The following ANPEP variants were observed in gnomAD, a reference collection of about 807,000 sequenced individuals.
ANPEP encodes the protein alanyl aminopeptidase, membrane.
ANPEP carries 70 observed loss-of-function variants against 114.6 expected under a neutral mutation model. The observed-to-expected ratio is 0.61, with a 90% confidence interval of 0.50 to 0.75. ANPEP has a LOEUF of 0.75. Ranked by LOEUF, ANPEP falls within the 30% of genes least tolerant of loss-of-function variation. The pLI, the probability that ANPEP is intolerant of heterozygous loss-of-function variation, is 0.00. For synonymous variants in ANPEP, 548 were observed against 522.3 expected (o/e 1.05, Z -0.67); for missense variants, 1,184 against 1,259.5 (o/e 0.94, Z 0.91).
chr15:89,814,495 C>T (rs1894873516), intron 1 of ANPEP, among the ~76,000 whole-genome samples: 1 of 152,168 alleles, frequency 6.6e-6, no homozygotes, highest in Non-Finnish European at 1.5e-5. Flanking sequence ...CCCTCGCCCA[C>T]CCTGGGGCCC....
intron 18 of ANPEP, among the ~76,000 whole-genome samples, chr15:89,791,434 C>T (rs1302545014): frequency 6.6e-6 from 1 of 151,696 alleles, no homozygotes; most frequent in East Asian, 1.9e-4. Context: ...CTTTTCTTTT[C>T]TTTTCTCTTT....
Position 89,799,432 on chromosome 15 carries a change from GTC to G in ANPEP, c.1945_1946del (p.Asp649ProfsTer14). Reference protein sequence around the residue: ...WRKIQTQLQRDHSAIPVINRA... With the variant: ...WRKIQTQLQRXHSAIPVINRA... ...AGGGGTGGCAGACACTCACCGAGTG[GTC>G]TCTCTGCAGCTGAGTCTGAATCTTC... On this transcript the variant is annotated frameshift_variant, in exon 13 of 21. Coordinates refer to ENST00000300060, the MANE Select transcript of ANPEP (RefSeq NM_001150.3). LOFTEE classifies it high-confidence loss of function. This position sits in a 1 kb window ranked among gnomAD's most constrained non-coding sequence, Gnocchi z 4.2. 6.2e-7 allele frequency: 1 copy of G among 1,614,074 alleles called. No individual in the cohort carries two copies. The highest frequency in any genetic ancestry group is 2.2e-5 in the East Asian group (1 of 44,896).
chr15:89,792,509 C>G lies in ANPEP; in HGVS notation c.2303G>C (p.Cys768Ser). The change falls in exon 17 of 21, where the codon TGT (cysteine) becomes TCT (serine). Residue 768 changes from cysteine to serine, a missense_variant. Cys to Ser is a moderately radical substitution (Grantham distance 112, BLOSUM62 -1). Transcript: ENST00000300060. ...STACSNGVPE[C>S]EEMVSGLFKQ... Reference sequence around the variant, plus strand: ...GAAAAGGCCAGAGACCATCTCCTCACACTCTGGAACTCCGTTGGAGCAGGC... The same window carrying G: ...GAAAAGGCCAGAGACCATCTCCTCAGACTCTGGAACTCCGTTGGAGCAGGC... 6.2e-7 allele frequency: 1 copy of G among 1,614,192 alleles called. No individual in the cohort carries two copies. Among genetic ancestry groups the G allele is most frequent in the Non-Finnish European group, 8.5e-7 (1 of 1,180,026 alleles).
chr15:89,809,388 C>T (rs1208534408), intron 1 of ANPEP, among the ~76,000 whole-genome samples: 1 of 152,252 alleles, frequency 6.6e-6, no homozygotes, highest in Non-Finnish European at 1.5e-5. Flanking sequence ...ATACTCTCTT[C>T]CTGTTTGCTT....
intron 1 of ANPEP, among the ~76,000 whole-genome samples, chr15:89,810,107 C>T (rs765602831): frequency 3.9e-5 from 6 of 152,262 alleles, no homozygotes; most frequent in Non-Finnish European, 7.3e-5. Flanking sequence ...AGGCTGAGCG[C>T]GGTGGCTCAT....
intron 16 of ANPEP, 21 bp downstream of exon 16, chr15:89,793,008 TCCAAAC>T (rs1256279392): frequency 3.7e-6 from 6 of 1,601,822 alleles, no homozygotes; most frequent in Non-Finnish European, 5.1e-6. Context: ...GCCCAGGACT[TCCAAAC>T]CCATGAGAGC....
chr15:89,795,278 G>C (rs1402476624), intron 15 of ANPEP, among the ~76,000 whole-genome samples: 1 of 152,012 alleles, frequency 6.6e-6, no homozygotes, highest in African/African-American at 2.4e-5. Context: ...CCAGGGGGCA[G>C]AATAAAAAGT....
At chr15:89,804,036 C>T (rs943665686) in intron 6 of ANPEP, 34 bp from the exon 7 acceptor site, 43 of 1,607,642 alleles carry the variant, frequency 2.7e-5, no homozygotes, top group Non-Finnish European at 3.5e-5. Context: ...GCAAGCCACG[C>T]CCAGGCTGGG....
intron 1 of ANPEP, among the ~76,000 whole-genome samples, chr15:89,812,441 A>G (rs1216320889): frequency 6.6e-6 from 1 of 152,188 alleles, no homozygotes; most frequent in Non-Finnish European, 1.5e-5. Flanking sequence ...GCATCACCCC[A>G]GGGTGCTTCC....
At chr15:89,786,406 C>T (rs1315123493) in intron 20 of ANPEP, among the ~76,000 whole-genome samples, 41 of 41,386 alleles carry the variant, frequency 9.9e-4, no homozygotes, top group Non-Finnish European at 1.7e-3. Flanking sequence ...TTTTTTTTTG[C>T]GGAAATTGAT....
In ANPEP at chr15:89,803,695, G is replaced by A. The variant is rs1894644571; in HGVS notation, c.1389C>T (p.Asn463=). 4 of 1,613,268 alleles carry A rather than the reference G, an allele frequency of 2.5e-6. No homozygotes were observed. The highest frequency in any genetic ancestry group is 1.3e-5 in the African/African-American group (1 of 74,936). The change falls in exon 8 of 21, where the codon AAC becomes AAT. Residue 463 remains asparagine (N), a synonymous_variant. Coordinates refer to ENST00000300060, the MANE Select transcript of ANPEP (RefSeq NM_001150.3). This position sits in a 1 kb window ranked among gnomAD's most constrained non-coding sequence, Gnocchi z 4.2. The part of the protein sequence containing the change: ...HPLSTPASEI[N]TPAQISELFD... ...ACAGCTCACTGATCTGGGCCGGCGT[G>A]TTGATCTCCGAGGCGGGTGTGGACA...
At chr15:89,813,738 C>A (rs1467257913) in intron 1 of ANPEP, among the ~76,000 whole-genome samples, 1 of 152,206 alleles carries the variant, frequency 6.6e-6, no homozygotes, top group Non-Finnish European at 1.5e-5. Flanking sequence ...AAAACACATA[C>A]CCTGAGGGGC....
chr15:89,798,057 A>G (rs1341908450), intron 14 of ANPEP, among the ~76,000 whole-genome samples: 1 of 152,210 alleles, frequency 6.6e-6, no homozygotes, highest in Non-Finnish European at 1.5e-5. Flanking sequence ...CGAGAGACAG[A>G]GCTGAGATTT....
chr15:89,804,850 T>A, intron 4 of ANPEP: 1 of 810,524 alleles, frequency 1.2e-6, no homozygotes, highest in Non-Finnish European at 1.9e-6. Context: ...ACCGTCTGTC[T>A]GGTAACCGGT....
rs540236356 is a variant in ANPEP at position 89,803,412 on chromosome 15, C to T, written c.1503+30G>A. The T allele has an allele frequency of 3.8e-5, 61 of 1,611,188 alleles. 1 individual carries two copies. The South Asian group carries it at 5.9e-4, about 16-fold the overall frequency. On this transcript the variant is annotated intron_variant, in intron 9 of 20. Coordinates refer to ENST00000300060, the MANE Select transcript of ANPEP (RefSeq NM_001150.3). The surrounding 1 kb of genome is among the most constrained non-coding windows in gnomAD (Gnocchi z 4.2). ...GGCGAGGGGCAGAAGGAGACCCACCCTCATGGCTGGCCCAGGGTGCAGTAC... is the reference window on the plus strand; with the variant it reads ...GGCGAGGGGCAGAAGGAGACCCACCTTCATGGCTGGCCCAGGGTGCAGTAC...
In ANPEP at chr15:89,806,725, G is replaced by A. The variant is rs1894723893; in HGVS notation, c.-142C>T. 7.4e-7 allele frequency: 1 copy of A among 1,352,076 alleles called. No homozygotes were observed. Among genetic ancestry groups the A allele is most frequent in the Non-Finnish European group, 9.8e-7 (1 of 1,022,778 alleles). 83.8% of individuals were successfully genotyped at this position (1,352,076 alleles called of 1,614,324 possible). On this transcript the variant is annotated 5_prime_UTR_variant, in exon 2 of 21. Transcript: ENST00000300060. The surrounding 1 kb of genome is among the most constrained non-coding windows in gnomAD (Gnocchi z 5.7). The stretch of plus-strand genomic sequence containing the variant: ...ATTAACCAGGGCTCCAACAGGCGAA[G>A]GTCACTGGACTGGGCAGGGGCACGC...
In ANPEP at chr15:89,805,141, GTACGTGGACATC is replaced by G. The variant is rs775264433; in HGVS notation, c.822_833del (p.Lys274_Tyr278delinsAsn). Reference sequence around the variant, plus strand: ...ACTCACTGACAATGAAGGCCAGCAAGTACGTGGACATCTTGGGCGTGGTGTGGAACTCAGTGA... The same window carrying G: ...ACTCACTGACAATGAAGGCCAGCAAGTTGGGCGTGGTGTGGAACTCAGTGA... On this transcript the variant is annotated inframe_deletion, in exon 4 of 21. Transcript: ENST00000300060. The G allele has an allele frequency of 6.2e-7, 1 of 1,614,258 alleles. No homozygotes were observed. The highest frequency in any genetic ancestry group is 8.5e-7 in the Non-Finnish European group (1 of 1,180,046).
rs35792576 is a variant in ANPEP at position 89,798,939 on chromosome 15, AAAAC to A, written c.2009+317_2009+320del. On this transcript the variant is annotated intron_variant, in intron 14 of 20. Coordinates refer to ENST00000300060, the MANE Select transcript of ANPEP (RefSeq NM_001150.3). ...GGGCAACAGAGCGAGACTCCGTCTC[AAAAC>A]AAACAAACAAACAAACAAACAAACA... is the stretch of plus-strand genomic sequence containing the variant. Among the ~76,000 whole-genome samples, 643 of 150,632 alleles carry A rather than the reference AAAAC, an allele frequency of 4.3e-3. 2 individuals carry two copies. Among genetic ancestry groups the A allele is most frequent in the African/African-American group, 0.013 (522 of 41,122 alleles).
rs1416103875 is a variant in ANPEP at position 89,792,484 on chromosome 15, G to T, written c.2328C>A (p.Phe776Leu). 2 of 1,614,156 alleles carry T rather than the reference G, an allele frequency of 1.2e-6. No individual in the cohort carries two copies. The highest frequency in any genetic ancestry group is 2.2e-5 in the South Asian group (2 of 91,070). Residue 776 changes from phenylalanine (F) to leucine (L), a missense_variant, in exon 17 of 21, where the codon TTC (phenylalanine) becomes TTA (leucine). Physicochemically the swap from Phe to Leu is conservative, Grantham distance 22 (BLOSUM62 0). Transcript: ENST00000300060. ...PECEEMVSGLFKQWMENPNNN... is the reference protein window; with the variant it reads ...PECEEMVSGLLKQWMENPNNN... ...TATTGGGGTTCTCCATCCACTGCTT[G>T]AAAAGGCCAGAGACCATCTCCTCAC... is the stretch of plus-strand genomic sequence containing the variant.
Sources: allele counts gnomAD v4.1 joint callset (sites outside exome capture counted in the v4.1 genomes callset), GRCh38; gene constraint gnomAD v4.1.1; non-coding constraint Gnocchi (gnomAD v3.1); transcripts MANE v1.5; gene names NCBI Gene and HGNC (gene_info 2026-07-23, HGNC 2026-07-21).